IQCM: variants seen among roughly 807,000 people sequenced by gnomAD.
IQCM encodes the protein IQ domain-containing protein M.
A neutral mutation model predicts 57.6 loss-of-function variants in IQCM; 45 were observed. The observed-to-expected ratio is 0.78, with a 90% CI of 0.62 to 1.00. IQCM has a LOEUF of 1.00. Ranked by LOEUF, IQCM falls within the 50% of genes least tolerant of loss-of-function variation. The pLI, the probability that IQCM is intolerant of heterozygous loss-of-function variation, is 0.00. For missense variants in IQCM, 468 were observed against 511.6 expected, an observed-to-expected ratio of 0.91 and a Z score of 0.82; for synonymous variants, 148 against 158.9, an observed-to-expected ratio of 0.93 and a Z score of 0.51.
chr4:149,714,996 C>T (rs1436594036), intron 5 of IQCM, among the ~76,000 whole-genome samples: 1 of 152,192 alleles, frequency 6.6e-6, no homozygotes, highest in Non-Finnish European at 1.5e-5. Flanking sequence ...CCATTTAATA[C>T]TTTCAGACCA....
chr4:149,386,681 T>C (rs1436617157), intron 13 of IQCM, among the ~76,000 whole-genome samples: 2 of 152,086 alleles, frequency 1.3e-5, no homozygotes, highest in Non-Finnish European at 2.9e-5. Flanking sequence ...TGTGTTTGGT[T>C]ATGTCTTCTA....
chr4:149,761,954 A>G (rs1455700264), intron 2 of IQCM, among the ~76,000 whole-genome samples: 1 of 152,098 alleles, frequency 6.6e-6, no homozygotes, highest in Admixed American at 6.6e-5. Flanking sequence ...TATATGATAC[A>G]CAAAGTAAAA....
At chr4:149,358,844 C>CAGAATATCATGATATACTCTCATG (rs1729208455) in intron 13 of IQCM, among the ~76,000 whole-genome samples, 2 of 108,028 alleles carry the variant, frequency 1.9e-5, no homozygotes, top group Non-Finnish European at 4.0e-5. Flanking sequence ...GCACAGTGGA[C>CAGAATATCATGATATACTCTCATG]AGTATATCAT....
At chr4:149,517,053 T>C (rs530502018) in intron 12 of IQCM, among the ~76,000 whole-genome samples, 1 of 134,944 alleles carries the variant, frequency 7.4e-6, no homozygotes, top group African/African-American at 2.8e-5. Context: ...CAACATCCAA[T>C]CCAGGCATGA....
chr4:149,433,201 A>G (rs1182079887), intron 13 of IQCM, among the ~76,000 whole-genome samples, 195 bp downstream of exon 13: 1 of 152,046 alleles, frequency 6.6e-6, no homozygotes, highest in Non-Finnish European at 1.5e-5. Flanking sequence ...ATGTAGTTCC[A>G]CTATTCTAGC....
chr4:149,751,009 G>T (rs925692315), intron 2 of IQCM, among the ~76,000 whole-genome samples: 14 of 152,082 alleles, frequency 9.2e-5, no homozygotes, highest in African/African-American at 2.7e-4. Flanking sequence ...GTAAAAACTA[G>T]CTAATATTTA....
chr4:149,453,078 C>T (rs934190612), intron 12 of IQCM, among the ~76,000 whole-genome samples: 5 of 150,222 alleles, frequency 3.3e-5, no homozygotes, highest in African/African-American at 1.2e-4. Context: ...TTTACAACAT[C>T]GTAGGAAAGA....
At chr4:149,613,962 C>A (rs999322855) in intron 8 of IQCM, among the ~76,000 whole-genome samples, 1 of 152,088 alleles carries the variant, frequency 6.6e-6, no homozygotes, top group Non-Finnish European at 1.5e-5. Flanking sequence ...CTTAATCCAG[C>A]CTATCATTGT....
At chr4:149,721,240 T>C (rs763202176) in intron 5 of IQCM, among the ~76,000 whole-genome samples, 4 of 152,044 alleles carry the variant, frequency 2.6e-5, no homozygotes, top group Non-Finnish European at 5.9e-5. Context: ...AATACAAGAG[T>C]ATGTGCTTAA....
chr4:149,597,440 G>T (rs1361129162), intron 8 of IQCM, among the ~76,000 whole-genome samples: 1 of 152,124 alleles, frequency 6.6e-6, no homozygotes, highest in Non-Finnish European at 1.5e-5. Flanking sequence ...GCCCAGGCTG[G>T]AGTGCATTGG....
At chr4:149,483,162 C>CT (rs1280407173) in intron 12 of IQCM, among the ~76,000 whole-genome samples, 1 of 151,746 alleles carries the variant, frequency 6.6e-6, no homozygotes, top group East Asian at 1.9e-4. Context: ...CATCTTCTCT[C>CT]TTTTTTGTAG....
At chr4:149,488,594 G>A (rs936893162) in intron 12 of IQCM, among the ~76,000 whole-genome samples, 1 of 152,026 alleles carries the variant, frequency 6.6e-6, no homozygotes, top group African/African-American at 2.4e-5. Flanking sequence ...TGTATACATC[G>A]ATTACAGACT....
At chr4:149,453,810 G>A (rs1054200501) in intron 12 of IQCM, among the ~76,000 whole-genome samples, 5 of 151,640 alleles carry the variant, frequency 3.3e-5, no homozygotes, top group Non-Finnish European at 2.9e-5. Context: ...AGAGTTTGTC[G>A]GTTCTTCAGT....
At chr4:149,352,088 C>T (rs1294697917) in intron 13 of IQCM, 22 bp from the exon 14 acceptor site, 1 of 398,734 alleles carries the variant, frequency 2.5e-6, no homozygotes, top group African/African-American at 2.1e-5. Context: ...AACATACAGT[C>T]ACATTAATAT....
chr4:149,526,524 C>T (rs2149840916), intron 12 of IQCM, among the ~76,000 whole-genome samples: 1 of 151,420 alleles, frequency 6.6e-6, no homozygotes, highest in African/African-American at 2.4e-5. Context: ...TAAAAAATGG[C>T]TCCTCAAATA....
At chr4:149,655,644 T>C (rs1456890927) in intron 7 of IQCM, among the ~76,000 whole-genome samples, 3 of 152,140 alleles carry the variant, frequency 2.0e-5, no homozygotes, top group African/African-American at 7.2e-5. Flanking sequence ...ATTCGAAAGT[T>C]GTGTAAGAGA....
At chr4:149,501,986 C>A (rs1743292123) in intron 12 of IQCM, among the ~76,000 whole-genome samples, 1 of 152,134 alleles carries the variant, frequency 6.6e-6, no homozygotes, top group Non-Finnish European at 1.5e-5. Context: ...CTTCCTATAA[C>A]TTTAGCTCCC....
At position 149,580,387 on chromosome 4, in the gene IQCM, T is replaced by C. The variant is rs1045750841; in HGVS notation, c.749+7543A>G. Among the ~76,000 whole-genome samples the C allele has an allele frequency of 4.6e-5, 7 of 151,822 alleles. No homozygotes were observed. In the East Asian group the frequency reaches 1.2e-3, roughly 25 times the overall value. Reference sequence around the variant, plus strand: ...ATCTTAGAGTCTATCAGTTATCAACTGGATGTTGGGTGAGGACTTAACAAA... The same window carrying C: ...ATCTTAGAGTCTATCAGTTATCAACCGGATGTTGGGTGAGGACTTAACAAA... On this transcript the variant is annotated intron_variant, in intron 9 of 13. Coordinates refer to ENST00000636793, the MANE Select transcript of IQCM (RefSeq NM_001363507.2).
chr4:149,369,892 C>A (rs919562444), intron 13 of IQCM, among the ~76,000 whole-genome samples: 2 of 151,928 alleles, frequency 1.3e-5, no homozygotes, highest in Non-Finnish European at 1.5e-5. Context: ...TTTATTTATT[C>A]TTATTTAATT....
Sources: allele counts gnomAD v4.1 joint callset (sites outside exome capture counted in the v4.1 genomes callset), GRCh38; gene constraint gnomAD v4.1.1; transcripts MANE v1.5; gene names NCBI Gene and HGNC (gene_info 2026-07-23, HGNC 2026-07-21).